LUZP2: variants seen among roughly 807,000 people sequenced by gnomAD.
The protein encoded by LUZP2 is leucine zipper protein 2.
A neutral mutation model predicts 51.6 loss-of-function variants in LUZP2; 52 were observed. The observed-to-expected ratio is 1.01, with a 90% confidence interval of 0.81 to 1.27. The LOEUF is 1.27. LUZP2 is among the 50% of genes most tolerant of loss of function. The pLI, the probability that LUZP2 is intolerant of heterozygous loss-of-function variation, is 0.00. For synonymous variants in LUZP2, 154 were observed against 137.3 expected (o/e 1.12, Z -0.85); for missense variants, 436 against 395.4 (o/e 1.10, Z -0.87).
At position 24,533,834 on chromosome 11, in the gene LUZP2, G is replaced by A. The variant is rs565404076; in HGVS notation, c.62+36529G>A. Among the ~76,000 whole-genome samples, 9 of 151,214 alleles carry A rather than the reference G, an allele frequency of 6.0e-5. No individual in the cohort carries two copies. The South Asian group carries it at 1.9e-3, about 31-fold the overall frequency. On this transcript the variant is annotated intron_variant, in intron 1 of 11. Coordinates refer to ENST00000336930, the MANE Select transcript of LUZP2 (RefSeq NM_001009909.4). Reference sequence around the variant, plus strand: ...AATCCAGCATAATATCTTCTCTGCTGAATATTAGGGTATATTAAATAATAT... The same window carrying A: ...AATCCAGCATAATATCTTCTCTGCTAAATATTAGGGTATATTAAATAATAT...
intron 1 of LUZP2, among the ~76,000 whole-genome samples, chr11:24,706,641 G>A (rs1178383478): frequency 6.6e-6 from 1 of 152,252 alleles, no homozygotes; most frequent in Middle Eastern, 3.4e-3. Flanking sequence ...ATGAGGGTGG[G>A]ACGCGAAGGT....
chr11:24,826,182 A>ATATAT (rs1364118076), intron 5 of LUZP2, among the ~76,000 whole-genome samples: 19 of 33,052 alleles, frequency 5.7e-4, no homozygotes, highest in African/African-American at 1.9e-3. Flanking sequence ...TCTCAAAAAA[A>ATATAT]AAAAAAAAAT....
chr11:24,834,427 A>G (rs1850797386), intron 5 of LUZP2, among the ~76,000 whole-genome samples: 1 of 152,178 alleles, frequency 6.6e-6, no homozygotes, highest in Non-Finnish European at 1.5e-5. Context: ...ACATGATCTC[A>G]TTCTTTTTAT....
chr11:24,911,768 C>G (rs1020061240), intron 6 of LUZP2, among the ~76,000 whole-genome samples: 1 of 152,048 alleles, frequency 6.6e-6, no homozygotes, highest in Non-Finnish European at 1.5e-5. Flanking sequence ...TATTTTGAGT[C>G]ACTTGGGAAG....
intron 1 of LUZP2, among the ~76,000 whole-genome samples, chr11:24,643,254 C>CAA (rs570616833): frequency 0.19 from 14,651 of 75,372 alleles, 1,381 homozygotes; most frequent in African/African-American, 0.25. Flanking sequence ...ACTAAAAGTA[C>CAA]AAAAAAAAAA....
At chr11:24,917,240 G>C (rs549843620) in intron 7 of LUZP2, among the ~76,000 whole-genome samples, 2 of 152,174 alleles carry the variant, frequency 1.3e-5, no homozygotes, top group African/African-American at 4.8e-5. Context: ...TTAGCCCTTT[G>C]ACAGATGAGT....
At chr11:24,516,099 T>G (rs1214723681) in intron 1 of LUZP2, among the ~76,000 whole-genome samples, 2 of 149,784 alleles carry the variant, frequency 1.3e-5, no homozygotes, top group Non-Finnish European at 3.0e-5. Flanking sequence ...AAATTTCTTA[T>G]AGTAGATTTT....
At chr11:24,577,258 T>G (rs183871335) in intron 1 of LUZP2, among the ~76,000 whole-genome samples, 13 of 152,270 alleles carry the variant, frequency 8.5e-5, no homozygotes, top group Admixed American at 5.9e-4. Flanking sequence ...TTACTCATAT[T>G]TTTTTAAAAT....
Position 25,024,012 on chromosome 11 carries a change from T to A in LUZP2, c.766-26026T>A, listed in dbSNP as rs576002333. On this transcript the variant is annotated intron_variant, in intron 9 of 11. Coordinates refer to ENST00000336930, the MANE Select transcript of LUZP2 (RefSeq NM_001009909.4). ...TGGTCTGAGAGACAGTTTGTTATAA[T>A]TTCTGTTCTTTTACATCTGCTGAAG... is the stretch of plus-strand genomic sequence containing the variant. 3.9e-5 allele frequency among the ~76,000 whole-genome samples: 6 copies of A among 152,308 alleles called. No individual in the cohort carries two copies. In the East Asian group the frequency reaches 7.7e-4, roughly 20 times the overall value.
intron 9 of LUZP2, among the ~76,000 whole-genome samples, chr11:24,983,821 T>TC (rs1856112821): frequency 6.6e-6 from 1 of 150,898 alleles, no homozygotes; most frequent in Non-Finnish European, 1.5e-5. Context: ...ATTAGATTTT[T>TC]TTTTTTTGAG....
chr11:24,651,139 T>C (rs1024877205), intron 1 of LUZP2, among the ~76,000 whole-genome samples: 23 of 152,078 alleles, frequency 1.5e-4, no homozygotes, highest in African/African-American at 5.6e-4. Flanking sequence ...TTTGCTTCAT[T>C]TATTTTGTAA....
At position 24,611,603 on chromosome 11, in the gene LUZP2, G is replaced by A. The variant is rs1306912001; in HGVS notation, c.62+114298G>A. ...ACTGGAAAGTAAAAATGGAACTTAC[G>A]AGACTATGGAGATGGTTTTCTTCAT... On this transcript the variant is annotated intron_variant, in intron 1 of 11. Transcript: ENST00000336930. The surrounding 1 kb of genome is among the most constrained non-coding windows in gnomAD (Gnocchi z 4.6). Among the ~76,000 whole-genome samples, 1 of 152,050 alleles carries A rather than the reference G, an allele frequency of 6.6e-6. No homozygotes were observed. Among genetic ancestry groups the A allele is most frequent in the Non-Finnish European group, 1.5e-5 (1 of 68,014 alleles).
intron 5 of LUZP2, among the ~76,000 whole-genome samples, chr11:24,897,564 C>G (rs779541688): frequency 6.6e-6 from 1 of 152,090 alleles, no homozygotes; most frequent in African/African-American, 2.4e-5. Flanking sequence ...CAGTTTCACT[C>G]CTGAAGCCAG....
Position 24,545,999 on chromosome 11 carries a change from T to A in LUZP2, c.62+48694T>A, listed in dbSNP as rs12293663. Reference sequence around the variant, plus strand: ...GGTCTCCTTGTAGAGATTTTTCACGTCCCTGGTTAGCTGTATATCAAGGTA... The same window carrying A: ...GGTCTCCTTGTAGAGATTTTTCACGACCCTGGTTAGCTGTATATCAAGGTA... On this transcript the variant is annotated intron_variant, in intron 1 of 11. Transcript: ENST00000336930. Among the ~76,000 whole-genome samples the A allele has an allele frequency of 3.0e-3, 464 of 152,210 alleles. 2 individuals carry two copies. Among genetic ancestry groups the A allele is most frequent in the African/African-American group, 0.011 (445 of 41,550 alleles).
chr11:24,697,959 T>A (rs1311830639), intron 1 of LUZP2, among the ~76,000 whole-genome samples: 1 of 152,140 alleles, frequency 6.6e-6, no homozygotes, highest in Non-Finnish European at 1.5e-5. Context: ...GCTGACTCAA[T>A]GCACAAAGAC....
chr11:24,977,280 T>C (rs1855906097), intron 8 of LUZP2, among the ~76,000 whole-genome samples: 2 of 151,766 alleles, frequency 1.3e-5, no homozygotes, highest in South Asian at 2.1e-4. Flanking sequence ...TTTATCAATA[T>C]TGATATACCT....
intron 5 of LUZP2, among the ~76,000 whole-genome samples, chr11:24,859,007 C>G (rs1257821073): frequency 6.6e-6 from 1 of 152,078 alleles, no homozygotes; most frequent in Admixed American, 6.5e-5. Context: ...TACCTCCACT[C>G]CAAGCCCACA....
At chr11:24,616,180 C>T (rs1047360697) in intron 1 of LUZP2, among the ~76,000 whole-genome samples, 4 of 151,862 alleles carry the variant, frequency 2.6e-5, no homozygotes, top group East Asian at 1.9e-4. Context: ...CAGGGTCTTT[C>T]GCAGAGGCAA....
At chr11:24,963,477 C>T (rs1405856170) in intron 7 of LUZP2, among the ~76,000 whole-genome samples, 2 of 152,168 alleles carry the variant, frequency 1.3e-5, no homozygotes, top group African/African-American at 2.4e-5. Flanking sequence ...TGGCGGGTGC[C>T]CCTCCCCCAG....
Sources: allele counts gnomAD v4.1 joint callset (sites outside exome capture counted in the v4.1 genomes callset), GRCh38; gene constraint gnomAD v4.1.1; non-coding constraint Gnocchi (gnomAD v3.1); transcripts MANE v1.5; gene names NCBI Gene and HGNC (gene_info 2026-07-23, HGNC 2026-07-21).